The following CYP26A1 variants were observed in gnomAD, a reference collection of about 807,000 sequenced individuals.
CYP26A1 encodes the protein cytochrome P450 family 26 subfamily A member 1.
Under a neutral mutation model 47.4 loss-of-function variants are expected in CYP26A1, and 46 were observed. The observed-to-expected ratio is 0.97, with a 90% CI of 0.77 to 1.24. The LOEUF is 1.24. CYP26A1 is among the 50% of genes most tolerant of loss of function. The probability of loss-of-function intolerance (pLI) is 0.00; values close to 1 mark genes in which losing one functional copy is unlikely to be tolerated. For synonymous variants in CYP26A1, 277 were observed against 263.7 expected, an observed-to-expected ratio of 1.05 and a Z score of -0.49; for missense variants, 680 against 644.4, an observed-to-expected ratio of 1.06 and a Z score of -0.60.
Position 93,077,298 on chromosome 10 carries a change from A to T in CYP26A1, c.1488A>T (p.Glu496Asp). 2 of 1,522,284 alleles carry T rather than the reference A, an allele frequency of 1.3e-6. No homozygotes were observed. The highest frequency in any genetic ancestry group is 1.8e-6 in the Non-Finnish European group (2 of 1,133,222). The allele number at this position is 1,522,284 out of a possible 1,614,324, so 94.3% of individuals were successfully genotyped here. The change falls in exon 7 of 7, where the codon GAA becomes GAT. Residue 496 changes from glutamate (E) to aspartate (D), a missense_variant. Physicochemically the swap from Glu to Asp is conservative, Grantham distance 45. Transcript: ENST00000224356. ...LPARFTHFHG[E>D]I is the part of the protein sequence containing the mutation. ...CAAGATTCACCCATTTCCATGGGGA[A>T]ATCTGATGAGCTTGAATGTTCAAAC...
At chr10:93,076,886 G>T in intron 6 of CYP26A1, 77 bp from the exon 7 acceptor site, 1 of 1,097,444 alleles carries the variant, frequency 9.1e-7, no homozygotes. Flanking sequence ...TTCCCCCAAA[G>T]ATATCAGTGA....
rs150571738 is a variant in CYP26A1 at position 93,074,864 on chromosome 10, G to A, written c.500G>A (p.Trp167Ter). The A allele has an allele frequency of 8.7e-6, 14 of 1,612,702 alleles. No individual in the cohort carries two copies. The highest frequency in any genetic ancestry group is 5.0e-5 in the Admixed American group (3 of 60,034). Residue 167 changes from tryptophan (W) to a stop codon, truncating the protein, a stop_gained, in exon 3 of 7, where the codon TGG (tryptophan) becomes TAG (stop). Coordinates refer to ENST00000224356, the MANE Select transcript of CYP26A1 (RefSeq NM_000783.4). LOFTEE classifies it high-confidence loss of function. The surrounding 1 kb of genome is among the most constrained non-coding windows in gnomAD (Gnocchi z 5.3). ...GAAGTGGGCAGCAGCCTGGAGCAGT[G>A]GCTGAGCTGCGGCGAGCGCGGCCTC... Reference protein sequence around the residue: ...TEEVGSSLEQWLSCGERGLLV... With the variant: ...TEEVGSSLEQ
Position 93,074,143 on chromosome 10 carries a change from G to GGGGC in CYP26A1, c.189+20_189+21insGGGC. The GGGGC allele has an allele frequency of 1.0e-5, 5 of 483,730 alleles. No homozygotes were observed. The highest frequency in any genetic ancestry group is 1.6e-5 in the Non-Finnish European group (4 of 246,524). 30.0% of individuals were successfully genotyped at this position (483,730 alleles called of 1,614,324 possible). A position where few individuals can be genotyped will look rare whatever the true frequency, so the allele number is the denominator to read the frequency against. ...CTGCAGGTAAGGGAGGGTGGGGCGG[G>GGGGC]ACAGGCTGCTTCCCCGGAGCCCGGC... On this transcript the variant is annotated intron_variant, in intron 1 of 6. Coordinates refer to ENST00000224356, the MANE Select transcript of CYP26A1 (RefSeq NM_000783.4). This position sits in a 1 kb window ranked among gnomAD's most constrained non-coding sequence, Gnocchi z 5.3.
At chr10:93,075,624 C>T (rs1846967848) in intron 4 of CYP26A1, 7 of 585,510 alleles carry the variant, frequency 1.2e-5, no homozygotes, top group Non-Finnish European at 2.1e-5. Flanking sequence ...TCCGGTAGAG[C>T]GGGGTCGTAC....
intron 4 of CYP26A1, 40 bp downstream of exon 4, chr10:93,075,347 C>G (rs1286051436): frequency 6.3e-7 from 1 of 1,590,560 alleles, no homozygotes; most frequent in South Asian, 1.1e-5. Flanking sequence ...GGAGTTTGGT[C>G]CCCTGGCTTT....
rs760286998 is a variant in CYP26A1 at position 93,075,177 on chromosome 10, C to T, written c.734C>T (p.Ala245Val). 1.3e-5 allele frequency: 21 copies of T among 1,613,594 alleles called. No homozygotes were observed. The Admixed American group carries it at 3.5e-4, about 27-fold the overall frequency. ...ATGAAGGCGCGGAACCTCATTCACG[C>T]GCGCATCGAGCAGAACATTCGCGCC... is the stretch of plus-strand genomic sequence containing the variant. ...RGMKARNLIHARIEQNIRAKI... is the reference protein window; with the variant it reads ...RGMKARNLIHVRIEQNIRAKI... Residue 245 changes from alanine to valine, a missense_variant, in exon 4 of 7, where the codon GCG (alanine) becomes GTG (valine). Coordinates refer to ENST00000224356, the MANE Select transcript of CYP26A1 (RefSeq NM_000783.4).
chr10:93,075,147 A>C lies in CYP26A1; in HGVS notation c.706-2A>C. On this transcript the variant is annotated splice_acceptor_variant, in intron 3 of 6. Coordinates refer to ENST00000224356, the MANE Select transcript of CYP26A1 (RefSeq NM_000783.4). LOFTEE classifies it high-confidence loss of function. ...TCACCGCCGCGCGCTCTCTGCGCTC[A>C]GGGCATGAAGGCGCGGAACCTCATT... 6.2e-7 allele frequency: 1 copy of C among 1,612,972 alleles called. No homozygotes were observed. The highest frequency in any genetic ancestry group is 8.5e-7 in the Non-Finnish European group (1 of 1,179,612).
rs760057985 is a variant in CYP26A1, at chr10:93,074,905, G to A, written c.541G>A (p.Val181Met). The A allele has an allele frequency of 1.2e-6, 2 of 1,613,224 alleles. No individual in the cohort carries two copies. Among genetic ancestry groups the A allele is most frequent in the East Asian group, 4.5e-5 (2 of 44,884 alleles). The change falls in exon 3 of 7, where the codon GTG becomes ATG. Residue 181 changes from valine to methionine, a missense_variant. Val to Met is a conservative substitution (Grantham distance 21). Coordinates refer to ENST00000224356, the MANE Select transcript of CYP26A1 (RefSeq NM_000783.4). The surrounding 1 kb of genome is among the most constrained non-coding windows in gnomAD (Gnocchi z 5.3). ...GERGLLVYPE[V>M]KRLMFRIAMR... ...GCGCGGCCTCCTGGTCTACCCCGAG[G>A]TGAAGCGCCTCATGTTCCGAATCGC... is the stretch of plus-strand genomic sequence containing the variant.
chr10:93,074,725 T>C lies in CYP26A1; in HGVS notation c.415-54T>C. On this transcript the variant is annotated intron_variant, in intron 2 of 6. Coordinates refer to ENST00000224356, the MANE Select transcript of CYP26A1 (RefSeq NM_000783.4). The surrounding 1 kb of genome is among the most constrained non-coding windows in gnomAD (Gnocchi z 5.3). Reference sequence around the variant, plus strand: ...GGGGGTGTCTGGAAGGGGACGGCGGTAGACGAGAGGGGCGGATGGAGGCTT... The same window carrying C: ...GGGGGTGTCTGGAAGGGGACGGCGGCAGACGAGAGGGGCGGATGGAGGCTT... The C allele has an allele frequency of 1.4e-6, 2 of 1,458,084 alleles. No individual in the cohort carries two copies. Among genetic ancestry groups the C allele is most frequent in the Admixed American group, 3.5e-5 (2 of 56,392 alleles). 90.3% of individuals were successfully genotyped at this position (1,458,084 alleles called of 1,614,324 possible).
At position 93,074,383 on chromosome 10, in the gene CYP26A1, G is replaced by A. The variant is rs1394766183; in HGVS notation, c.265G>A (p.Val89Ile). The A allele has an allele frequency of 1.6e-5, 26 of 1,611,706 alleles. No homozygotes were observed. Among genetic ancestry groups the A allele is most frequent in the African/African-American group, 1.1e-4 (8 of 74,898 alleles). The change falls in exon 2 of 7, where the codon GTA becomes ATA. Residue 89 changes from valine to isoleucine, a missense_variant. Transcript: ENST00000224356. The surrounding 1 kb of genome is among the most constrained non-coding windows in gnomAD (Gnocchi z 5.3). ...YKTHLFGRPT[V>I]RVMGADNVRR... ...GACGCATCTGTTCGGGCGGCCCACC[G>A]TACGGGTGATGGGCGCGGACAATGT...
chr10:93,077,148 A>G lies in CYP26A1; in HGVS notation c.1338A>G (p.Glu446=), dbSNP rs748305490. 1 of 1,614,006 alleles carries G rather than the reference A, an allele frequency of 6.2e-7. No homozygotes were observed. Among genetic ancestry groups the G allele is most frequent in the Admixed American group, 1.7e-5 (1 of 60,006 alleles). The change falls in exon 7 of 7, where the codon GAA becomes GAG. Residue 446 remains glutamate (E), a synonymous_variant. Transcript: ENST00000224356. ...GGGLRSCVGK[E]FAKILLKIFT... is the part of the protein sequence containing the mutation. ...GCCTTAGGAGCTGTGTAGGCAAAGA[A>G]TTTGCAAAAATTCTTCTCAAAATAT...
Position 93,075,275 on chromosome 10 carries a change from T to G in CYP26A1, c.832T>G (p.Ser278Ala), listed in dbSNP as rs757457881. The G allele has an allele frequency of 2.3e-5, 37 of 1,613,976 alleles. No homozygotes were observed. The South Asian group carries it at 3.6e-4, about 16-fold the overall frequency. The change falls in exon 4 of 7, where the codon TCG (serine) becomes GCG (alanine). Residue 278 changes from serine to alanine, a missense_variant. Ser to Ala is a moderately conservative substitution (Grantham distance 99). Coordinates refer to ENST00000224356, the MANE Select transcript of CYP26A1 (RefSeq NM_000783.4). ...KDALQLLIEH[S>A]WERGERLDMQ... is the part of the protein sequence containing the mutation. ...CGCGCTGCAGCTGTTGATCGAGCAC[T>G]CGTGGGAGAGGGGAGAGCGGCTGGA... is the stretch of plus-strand genomic sequence containing the variant.
chr10:93,073,792 G>T (rs571971356), upstream of CYP26A1: 20 of 569,560 alleles, frequency 3.5e-5, no homozygotes, highest in African/African-American at 1.8e-4. Flanking sequence ...GGCCCAATCC[G>T]CAATTAAAGA....
At chr10:93,075,330 G>A (rs1846964626) in intron 4 of CYP26A1, 23 bp downstream of exon 4, 8 of 1,603,824 alleles carry the variant, frequency 5.0e-6, no homozygotes, top group Middle Eastern at 1.7e-4. Flanking sequence ...TTCAGACCAG[G>A]CACTGCGGAG....
chr10:93,076,069 T>C (rs1420476653), intron 5 of CYP26A1, 109 bp downstream of exon 5: 5 of 858,566 alleles, frequency 5.8e-6, no homozygotes, highest in Non-Finnish European at 9.4e-6. Flanking sequence ...ATTTTGAAAG[T>C]GCAGGGCCCA....
chr10:93,076,063 T>G, intron 5 of CYP26A1, 103 bp downstream of exon 5: 1 of 918,534 alleles, frequency 1.1e-6, no homozygotes, highest in South Asian at 1.5e-5. Context: ...TGGAGTATTT[T>G]GAAAGTGCAG....
upstream of CYP26A1, chr10:93,073,688 G>T (rs373431017): frequency 3.8e-6 from 2 of 523,164 alleles, no homozygotes; most frequent in South Asian, 2.4e-5. Context: ...CAGGAGGCGC[G>T]CTCGGAGGGA....
intron 4 of CYP26A1, 141 bp from the exon 5 acceptor site, chr10:93,075,685 A>G (rs1296212830): frequency 1.5e-6 from 1 of 656,302 alleles, no homozygotes; most frequent in Non-Finnish European, 2.7e-6. Context: ...TTGTTTAAAG[A>G]TATTGCTTTC....
At chr10:93,075,619 T>A in intron 4 of CYP26A1, 1 of 586,606 alleles carries the variant, frequency 1.7e-6, no homozygotes, top group Admixed American at 3.0e-5. Flanking sequence ...GAGTTTCCGG[T>A]AGAGCGGGGT....
Sources: allele counts gnomAD v4.1 joint callset, GRCh38; gene constraint gnomAD v4.1.1; non-coding constraint Gnocchi (gnomAD v3.1); transcripts MANE v1.5; gene names NCBI Gene and HGNC (gene_info 2026-07-23, HGNC 2026-07-21).